Variants in SFRP1 observed in about 807,000 individuals in gnomAD.
SFRP1 encodes the protein secreted frizzled related protein 1.
In SFRP1, 9 loss-of-function variants were observed where a neutral mutation model predicts 25.9. The ratio of observed to expected loss-of-function variants is 0.35; its 90% CI spans 0.21 to 0.61. SFRP1 has a LOEUF of 0.61. Among genes scored for constraint, SFRP1 ranks in the 20% least tolerant of loss-of-function variants. The pLI, the probability that SFRP1 is intolerant of heterozygous loss-of-function variation, is 0.78. For missense variants in SFRP1, 346 were observed against 418.2 expected, an observed-to-expected ratio of 0.83 and a Z score of 1.51; for synonymous variants, 178 against 174.0, an observed-to-expected ratio of 1.02 and a Z score of -0.18.
At chr8:41,302,091 C>T (rs1803927804) in intron 2 of SFRP1, among the ~76,000 whole-genome samples, 1 of 152,216 alleles carries the variant, frequency 6.6e-6, no homozygotes, top group South Asian at 2.1e-4. Context: ...AAGAGTTCCA[C>T]CCTCAATCTG....
intron 2 of SFRP1, among the ~76,000 whole-genome samples, chr8:41,302,539 G>A (rs906040288): frequency 6.6e-6 from 1 of 152,204 alleles, no homozygotes; most frequent in Non-Finnish European, 1.5e-5. Flanking sequence ...CACAAGGCAG[G>A]AATTATGAGA....
At chr8:41,306,856 A>C (rs961735998) in intron 1 of SFRP1, 2 of 1,597,432 alleles carry the variant, frequency 1.3e-6, no homozygotes, top group Admixed American at 1.7e-5. Flanking sequence ...TCCCCATCCC[A>C]TCACAGCCTT....
chr8:41,265,134 C>CCCGG lies in SFRP1; in HGVS notation c.*32_*33insCCGG. On this transcript the variant is annotated 3_prime_UTR_variant, in exon 3 of 3. Transcript: ENST00000220772. ...CTGTCCCCCCCGCTCCCACCCCACC[C>CCCGG]GAGGCTCCCTCCCCACCCTGCCCCC... 1.3e-6 allele frequency: 1 copy of CCCGG among 745,306 alleles called. No homozygotes were observed. The highest frequency in any genetic ancestry group is 1.8e-5 in the South Asian group (1 of 54,400). 46.2% of individuals were successfully genotyped at this position (745,306 alleles called of 1,614,324 possible).
Position 41,264,841 on chromosome 8 carries a change from C to T in SFRP1, c.*326G>A. On this transcript the variant is annotated 3_prime_UTR_variant, in exon 3 of 3. Transcript: ENST00000220772. ...TGCTGGCTCTCACTTTCCGCCCAAT[C>T]CCCCTTTTTGTGTTTTAGTGGCTGT... 7.5e-6 allele frequency: 2 copies of T among 266,050 alleles called. No homozygotes were observed. The highest frequency in any genetic ancestry group is 1.4e-5 in the Non-Finnish European group (2 of 141,756). 16.5% of individuals were successfully genotyped at this position (266,050 alleles called of 1,614,324 possible). A position where few individuals can be genotyped will look rare whatever the true frequency, so the allele number is the denominator to read the frequency against.
intron 1 of SFRP1, among the ~76,000 whole-genome samples, chr8:41,308,123 C>G (rs904010945): frequency 4.6e-5 from 7 of 152,210 alleles, no homozygotes; most frequent in African/African-American, 1.7e-4. Context: ...TTTGTCGAAC[C>G]TATGAAAATA....
chr8:41,265,550 C>CTT (rs1803425194), intron 2 of SFRP1, 61 bp from the exon 3 acceptor site: 1 of 1,269,394 alleles, frequency 7.9e-7, no homozygotes, highest in African/African-American at 1.5e-5. Context: ...TAGAACACAG[C>CTT]TTTTCTTTTT....
At position 41,285,242 on chromosome 8, in the gene SFRP1, G is replaced by T. The variant is rs1023567661; in HGVS notation, c.622+18219C>A. 1.1e-4 allele frequency among the ~76,000 whole-genome samples: 17 copies of T among 152,198 alleles called. No homozygotes were observed. The East Asian group carries it at 2.9e-3, about 26-fold the overall frequency. On this transcript the variant is annotated intron_variant, in intron 2 of 2. Coordinates refer to ENST00000220772, the MANE Select transcript of SFRP1 (RefSeq NM_003012.5). ...GCCCAGAGAGAAAATGAAGCCCCCAGCCCCTCAGCCGTCAGCATCTGAGCT... is the reference window on the plus strand; with the variant it reads ...GCCCAGAGAGAAAATGAAGCCCCCATCCCCTCAGCCGTCAGCATCTGAGCT...
chr8:41,278,821 C>T (rs909504396), intron 2 of SFRP1, among the ~76,000 whole-genome samples: 1 of 152,230 alleles, frequency 6.6e-6, no homozygotes, highest in African/African-American at 2.4e-5. Context: ...TAGGGGGCTG[C>T]TGGCCCCTTT....
chr8:41,271,466 A>C (rs1026280787), intron 2 of SFRP1: 1 of 185,380 alleles, frequency 5.4e-6, no homozygotes, highest in Admixed American at 5.0e-5. Context: ...GAGCCATCCA[A>C]AAAAATTCGG....
At chr8:41,273,163 C>T (rs752328438) in intron 2 of SFRP1, among the ~76,000 whole-genome samples, 2 of 152,202 alleles carry the variant, frequency 1.3e-5, no homozygotes, top group African/African-American at 4.8e-5. Context: ...CAATGATGTG[C>T]TCTACAAAAA....
intron 2 of SFRP1, 86 bp from the exon 3 acceptor site, chr8:41,265,575 G>T: frequency 1.1e-6 from 1 of 882,500 alleles, no homozygotes; most frequent in Non-Finnish European, 1.7e-6. Context: ...TCCTCAAAGT[G>T]ATTGCATTTT....
intron 2 of SFRP1, among the ~76,000 whole-genome samples, chr8:41,266,207 G>A (rs779297381): frequency 2.6e-4 from 39 of 151,862 alleles, no homozygotes; most frequent in Non-Finnish European, 1.9e-4. Flanking sequence ...TTCTGCCACC[G>A]CCTCCGCCCC....
At chr8:41,306,717 A>T (rs746977922) in intron 1 of SFRP1, 10 of 1,597,554 alleles carry the variant, frequency 6.3e-6, no homozygotes, top group Non-Finnish European at 8.5e-6. Context: ...TGGGAGGGTG[A>T]CTACCTGAGC....
rs557225206 is a variant in SFRP1 at position 41,263,151 on chromosome 8, G to A, written c.*2016C>T. 2.6e-5 allele frequency: 4 copies of A among 152,758 alleles called. No individual in the cohort carries two copies. In the East Asian group the frequency reaches 7.7e-4, roughly 29 times the overall value. The allele number at this position is 152,758 out of a possible 1,614,324, so 9.5% of individuals were successfully genotyped here. A position where few individuals can be genotyped will look rare whatever the true frequency, so the allele number is the denominator to read the frequency against. ...TTTGTCAAAATGAGCAGATACGTAT[G>A]AGCACTGAACTCTTGAGTGAATCAA... On this transcript the variant is annotated 3_prime_UTR_variant, in exon 3 of 3. Coordinates refer to ENST00000220772, the MANE Select transcript of SFRP1 (RefSeq NM_003012.5).
rs568389126 is a variant in SFRP1 at position 41,274,093 on chromosome 8, G to A, written c.623-8604C>T. ...GCTTTCAGGCTTTCAGCCTCAGACT[G>A]GGGGCTGCATTGTTCCAAGGCTTCT... On this transcript the variant is annotated intron_variant, in intron 2 of 2. Transcript: ENST00000220772. Among the ~76,000 whole-genome samples, 7 of 152,310 alleles carry A rather than the reference G, an allele frequency of 4.6e-5. No homozygotes were observed. In the South Asian group the frequency reaches 1.5e-3, roughly 32 times the overall value.
chr8:41,271,439 C>A lies in SFRP1; in HGVS notation c.623-5950G>T. On this transcript the variant is annotated intron_variant, in intron 2 of 2. Coordinates refer to ENST00000220772, the MANE Select transcript of SFRP1 (RefSeq NM_003012.5). ...TTGCACTCCTAAAAGCAAGATGGGT[C>A]ACCAGCAGCTCTCCTGGAGCCATCC... 1.7e-5 allele frequency: 3 copies of A among 175,750 alleles called. No homozygotes were observed. The South Asian group carries it at 3.9e-4, about 23-fold the overall frequency. The allele number at this position is 175,750 out of a possible 1,614,324, so 10.9% of individuals were successfully genotyped here. A position where few individuals can be genotyped will look rare whatever the true frequency, so the allele number is the denominator to read the frequency against.
intron 2 of SFRP1, among the ~76,000 whole-genome samples, chr8:41,286,455 C>T (rs1328768177): frequency 6.6e-6 from 1 of 151,958 alleles, no homozygotes; most frequent in Non-Finnish European, 1.5e-5. Context: ...CCAAGGGAGG[C>T]AGAGGGAGTG....
chr8:41,276,592 T>A (rs762314273), intron 2 of SFRP1, among the ~76,000 whole-genome samples: 1 of 152,218 alleles, frequency 6.6e-6, no homozygotes, highest in Non-Finnish European at 1.5e-5. Context: ...ACATGCTGCA[T>A]ACTTGGATGC....
Position 41,308,755 on chromosome 8 carries a change from G to C in SFRP1, c.405C>G (p.Ala135=), listed in dbSNP as rs373338351. 9.3e-6 allele frequency: 15 copies of C among 1,608,752 alleles called. No homozygotes were observed. Among genetic ancestry groups the C allele is most frequent in the Non-Finnish European group, 1.2e-5 (14 of 1,177,896 alleles). Residue 135 remains alanine, a synonymous_variant, in exon 1 of 3, where the codon GCC becomes GCG. Coordinates refer to ENST00000220772, the MANE Select transcript of SFRP1 (RefSeq NM_003012.5). ...PIYPCRWLCE[A]VRDSCEPVMQ... The stretch of plus-strand genomic sequence containing the variant: ...TGACCGGCTCGCACGAGTCGCGCAC[G>C]GCCTCGCAGAGCCAGCGACACGGGT...
Sources: gnomAD v4.1 joint callset for allele counts (sites outside exome capture counted in the v4.1 genomes callset) on GRCh38, gnomAD v4.1.1 for gene constraint, MANE v1.5 for transcripts, NCBI Gene and HGNC (gene_info 2026-07-23, HGNC 2026-07-21) for gene names.